The following CRYBA4 variants were observed in gnomAD, a reference collection of about 807,000 sequenced individuals.
The protein encoded by CRYBA4 is beta-crystallin A4.
Under a neutral mutation model 31.7 loss-of-function variants are expected in CRYBA4, and 30 were observed. The ratio of observed to expected loss-of-function variants is 0.95; its 90% CI spans 0.71 to 1.28. The LOEUF (loss-of-function observed/expected upper bound fraction) is 1.28. CRYBA4 is among the 50% of genes most tolerant of loss of function. The pLI is 0.00. For synonymous variants in CRYBA4, 102 were observed against 102.3 expected (o/e 1.00, Z 0.02); for missense variants, 225 against 260.7 (o/e 0.86, Z 0.94).
At chr22:26,622,081 T>A in intron 1 of CRYBA4, 95 bp downstream of exon 1, 1 of 573,288 alleles carries the variant, frequency 1.7e-6, no homozygotes, top group Non-Finnish European at 2.2e-6. Flanking sequence ...GGGATGTCAC[T>A]GTGTCATCCT....
intron 3 of CRYBA4, among the ~76,000 whole-genome samples, chr22:26,624,562 A>G (rs890013388): frequency 1.3e-5 from 2 of 152,230 alleles, no homozygotes; most frequent in Non-Finnish European, 2.9e-5. Context: ...TGCACATCTC[A>G]TGCTTTAGTA....
chr22:26,621,700 T>C (rs1355794665), upstream of CRYBA4, among the ~76,000 whole-genome samples: 3 of 152,202 alleles, frequency 2.0e-5, no homozygotes, highest in African/African-American at 7.2e-5. Flanking sequence ...TAGTGCTCAT[T>C]CTCCTGCTCT....
the CRYBA4 span, among the ~76,000 whole-genome samples, chr22:26,594,229 C>A: frequency 6.6e-6 from 1 of 152,186 alleles, no homozygotes; most frequent in Non-Finnish European, 1.5e-5. Context: ...GGCAGTTTGG[C>A]TCTAAGAAGG....
At chr22:26,601,237 G>T in the CRYBA4 span, among the ~76,000 whole-genome samples, 1 of 152,142 alleles carries the variant, frequency 6.6e-6, no homozygotes, top group Non-Finnish European at 1.5e-5. Context: ...GGAGGCAGGG[G>T]GATGGATAAA....
chr22:26,620,587 C>T (rs560093765), upstream of CRYBA4, among the ~76,000 whole-genome samples: 12 of 94,870 alleles, frequency 1.3e-4, no homozygotes, highest in East Asian at 3.1e-3. Flanking sequence ...TTTTTTGAGA[C>T]GGGGTCTTGC....
the CRYBA4 span, among the ~76,000 whole-genome samples, chr22:26,603,859 G>T: frequency 6.6e-6 from 1 of 152,120 alleles, no homozygotes; most frequent in Non-Finnish European, 1.5e-5. Context: ...GGGAGGCAGA[G>T]GTTGCAGTGA....
chr22:26,599,283 T>C, the CRYBA4 span: 2 of 589,642 alleles, frequency 3.4e-6, no homozygotes, highest in South Asian at 4.2e-5. Context: ...GAAAGAACTT[T>C]TCAGTGTTTG....
At chr22:26,603,926 AAAAC>A in the CRYBA4 span, among the ~76,000 whole-genome samples, 2,766 of 152,276 alleles carry the variant, frequency 0.018, 77 homozygotes, top group African/African-American at 0.063. Context: ...TCTGTCTCAA[AAAAC>A]AAACAAACAA....
At chr22:26,624,717 T>C (rs539988792) in intron 3 of CRYBA4, among the ~76,000 whole-genome samples, 2 of 152,358 alleles carry the variant, frequency 1.3e-5, no homozygotes, top group South Asian at 2.1e-4. Context: ...GTTTATTACT[T>C]ATACAGACAG....
At chr22:26,624,788 G>A (rs951927209) in intron 3 of CRYBA4, among the ~76,000 whole-genome samples, 5 of 152,188 alleles carry the variant, frequency 3.3e-5, no homozygotes, top group African/African-American at 1.2e-4. Context: ...AAACAAAGGG[G>A]GCTGAATGAC....
the CRYBA4 span, chr22:26,612,209 C>G: frequency 1.3e-6 from 2 of 1,565,910 alleles, no homozygotes; most frequent in Non-Finnish European, 1.8e-6. Context: ...GAGAAGCCCC[C>G]ATGCCAAGGG....
chr22:26,630,026 T>C (rs1929875551), intron 5 of CRYBA4, among the ~76,000 whole-genome samples: 1 of 152,216 alleles, frequency 6.6e-6, no homozygotes, highest in Non-Finnish European at 1.5e-5. Flanking sequence ...TCGAATTACA[T>C]GAGTGCTACA....
At chr22:26,599,561 G>A in the CRYBA4 span, 8 of 1,614,164 alleles carry the variant, frequency 5.0e-6, no homozygotes, top group Admixed American at 5.0e-5. Context: ...CGCAGGCGAC[G>A]CAGGGACTGC....
the CRYBA4 span, chr22:26,601,946 C>T: frequency 4.9e-5 from 79 of 1,613,252 alleles, no homozygotes; most frequent in Non-Finnish European, 6.4e-5. Flanking sequence ...CTGGGTGCGT[C>T]GTCCCCCTGG....
chr22:26,621,932 T>C, upstream of CRYBA4: 1 of 985,246 alleles, frequency 1.0e-6, no homozygotes, highest in African/African-American at 1.7e-5. Flanking sequence ...TCCCTGCCTA[T>C]AAGAGCCCGA....
At chr22:26,628,172 AG>A (rs1569212284) in intron 4 of CRYBA4, 115 bp from the exon 5 acceptor site, 1 of 1,459,022 alleles carries the variant, frequency 6.9e-7, no homozygotes. Context: ...CCCTTCCAAA[AG>A]GTTTGCAAGG....
chr22:26,596,060 C>T, the CRYBA4 span, among the ~76,000 whole-genome samples: 2 of 152,214 alleles, frequency 1.3e-5, no homozygotes, highest in East Asian at 3.8e-4. Flanking sequence ...GTATAAGCCA[C>T]TGTGCCAGGC....
the CRYBA4 span, among the ~76,000 whole-genome samples, chr22:26,597,790 A>T: frequency 1.4e-4 from 22 of 152,256 alleles, no homozygotes; most frequent in Non-Finnish European, 3.1e-4. Context: ...CAAGAAAACG[A>T]TGCTCTTTTC....
intron 1 of CRYBA4, among the ~76,000 whole-genome samples, 190 bp downstream of exon 1, chr22:26,622,176 T>G (rs1929551363): frequency 6.6e-6 from 1 of 152,180 alleles, no homozygotes; most frequent in Non-Finnish European, 1.5e-5. Context: ...AAATTATTCC[T>G]GTAGCCCTAT....
Sources: allele counts gnomAD v4.1 joint callset (sites outside exome capture counted in the v4.1 genomes callset), GRCh38; gene constraint gnomAD v4.1.1; transcripts MANE v1.5; gene names NCBI Gene and HGNC (gene_info 2026-07-23, HGNC 2026-07-21).